PCDHA8: variants seen among roughly 807,000 people sequenced by gnomAD.
PCDHA8 encodes protocadherin alpha-8.
Under a neutral mutation model 61.8 loss-of-function variants are expected in PCDHA8, and 53 were observed. The observed-to-expected ratio is 0.86, with a 90% CI of 0.69 to 1.08. The LOEUF (loss-of-function observed/expected upper bound fraction) is 1.08, where lower values mean the gene tolerates loss of function less well. Among genes scored for constraint, PCDHA8 ranks in the 50% least tolerant of loss-of-function variants. The pLI, the probability that PCDHA8 is intolerant of heterozygous loss-of-function variation, is 0.00. For missense variants in PCDHA8, 1,293 were observed against 1,245.0 expected, an observed-to-expected ratio of 1.04 and a Z score of -0.58; for synonymous variants, 618 against 556.6, an observed-to-expected ratio of 1.11 and a Z score of -1.55.
chr5:140,875,460 C>T (rs1380748731), intron 1 of PCDHA8: 2 of 1,598,406 alleles, frequency 1.3e-6, no homozygotes, highest in Middle Eastern at 1.7e-4. Flanking sequence ...CTCAGAGGCC[C>T]TCATTTTCTG....
intron 1 of PCDHA8, among the ~76,000 whole-genome samples, chr5:140,891,372 G>A (rs1256551608): frequency 1.3e-5 from 2 of 151,962 alleles, no homozygotes; most frequent in Non-Finnish European, 2.9e-5. Flanking sequence ...AGTATACATT[G>A]CACCATATTT....
chr5:140,869,654 C>T, intron 1 of PCDHA8: 1 of 1,613,446 alleles, frequency 6.2e-7, no homozygotes, highest in Non-Finnish European at 8.5e-7. Flanking sequence ...GATTCACCAA[C>T]AAATGGTAAG....
chr5:140,843,680 G>A lies in PCDHA8; in HGVS notation c.2359G>A (p.Glu787Lys), dbSNP rs2150364967. ...TGATCTGGGATCAGTTGATGTAGGC[G>A]AAGAGCAAGATTTAAATGTTGATCA... ...PPDLGSVDVG[E>K]EQDLNVDHGL... is the part of the protein sequence containing the mutation. Residue 787 changes from glutamate to lysine, a missense_variant, in exon 1 of 4, where the codon GAA (glutamate) becomes AAA (lysine). By Grantham distance (56) the Glu-to-Lys change is moderately conservative. Transcript: ENST00000531613. 6.3e-7 allele frequency: 1 copy of A among 1,588,882 alleles called. No individual in the cohort carries two copies. The highest frequency in any genetic ancestry group is 8.6e-7 in the Non-Finnish European group (1 of 1,158,922).
At chr5:140,990,367 A>G (rs1162635749) in intron 3 of PCDHA8, among the ~76,000 whole-genome samples, 1 of 152,104 alleles carries the variant, frequency 6.6e-6, no homozygotes, top group Non-Finnish European at 1.5e-5. Context: ...AATCTAATAA[A>G]GCAAATTTGT....
At chr5:140,966,835 G>A in intron 1 of PCDHA8, 10 of 1,564,886 alleles carry the variant, frequency 6.4e-6, no homozygotes, top group Non-Finnish European at 7.8e-6. Flanking sequence ...TGCCCTGGCT[G>A]CTGCTACTGC....
rs2150320921 is a variant in PCDHA8, at chr5:140,841,687, G to A, written c.366G>A (p.Glu122=). The change falls in exon 1 of 4, where the codon GAG becomes GAA. Residue 122 remains glutamate, a synonymous_variant. Transcript: ENST00000531613. ...RPLQVFHVDV[E]VKDVNDNPPV... is the part of the protein sequence containing the mutation. ...TGCAGGTTTTCCATGTGGACGTGGAGGTGAAGGATGTTAATGACAACCCGC... is the reference window on the plus strand; with the variant it reads ...TGCAGGTTTTCCATGTGGACGTGGAAGTGAAGGATGTTAATGACAACCCGC... The A allele has an allele frequency of 6.2e-7, 1 of 1,613,966 alleles. No homozygotes were observed. Among genetic ancestry groups the A allele is most frequent in the South Asian group, 1.1e-5 (1 of 91,074 alleles).
intron 1 of PCDHA8, chr5:140,848,451 T>A (rs1450153960): frequency 1.3e-6 from 2 of 1,519,288 alleles, no homozygotes; most frequent in Non-Finnish European, 1.8e-6. Context: ...TTTCTTCTAA[T>A]TTGGAGGCAA....
chr5:140,953,607 G>A (rs1040886184), intron 1 of PCDHA8, among the ~76,000 whole-genome samples: 21 of 152,152 alleles, frequency 1.4e-4, no homozygotes, highest in African/African-American at 4.8e-4. Flanking sequence ...ATTCCCCAGA[G>A]TCCTTAGATA....
intron 1 of PCDHA8, among the ~76,000 whole-genome samples, chr5:140,972,633 T>G (rs1230723429): frequency 6.6e-6 from 1 of 151,644 alleles, no homozygotes; most frequent in Non-Finnish European, 1.5e-5. Context: ...TGGCACTCCC[T>G]TCAGAGTCTC....
At chr5:140,966,882 C>T (rs782464160) in intron 1 of PCDHA8, 1 of 1,589,690 alleles carries the variant, frequency 6.3e-7, no homozygotes, top group Admixed American at 1.7e-5. Flanking sequence ...CTACCTGGCC[C>T]TGCGGCCTCC....
chr5:140,968,574 T>A (rs2096256536), intron 1 of PCDHA8: 1 of 1,614,218 alleles, frequency 6.2e-7, no homozygotes, highest in Non-Finnish European at 8.5e-7. Flanking sequence ...GCTGGCTACC[T>A]GGTCACCAAA....
Position 140,916,718 on chromosome 5 carries a change from G to C in PCDHA8, c.2395-62231G>C, listed in dbSNP as rs115136945. Among the ~76,000 whole-genome samples, 1,217 of 152,304 alleles carry C rather than the reference G, an allele frequency of 8.0e-3. 6 individuals are homozygous for C. Among genetic ancestry groups the C allele is most frequent in the African/African-American group, 0.019 (785 of 41,570 alleles). On this transcript the variant is annotated intron_variant, in intron 1 of 3. Coordinates refer to ENST00000531613, the MANE Select transcript of PCDHA8 (RefSeq NM_018911.3). ...CTCTCCTTAAGCAGAAGGAAGGAGTGACTTTTGTTGCTGCAAGCTTCACTG... is the reference window on the plus strand; with the variant it reads ...CTCTCCTTAAGCAGAAGGAAGGAGTCACTTTTGTTGCTGCAAGCTTCACTG...
chr5:141,008,362 G>A (rs2098372939), intron 3 of PCDHA8, among the ~76,000 whole-genome samples: 1 of 152,172 alleles, frequency 6.6e-6, no homozygotes, highest in Non-Finnish European at 1.5e-5. Flanking sequence ...AACCAAAGGA[G>A]CAGTGTTAGA....
chr5:140,877,380 C>A, intron 1 of PCDHA8: 1 of 1,613,980 alleles, frequency 6.2e-7, no homozygotes, highest in Non-Finnish European at 8.5e-7. Context: ...CGACACGCAT[C>A]CTGGATGAGG....
intron 1 of PCDHA8, among the ~76,000 whole-genome samples, chr5:140,962,118 C>T (rs561645739): frequency 1.3e-5 from 2 of 152,210 alleles, no homozygotes; most frequent in East Asian, 1.9e-4. Context: ...ATCTCCTAAC[C>T]TTGGCCTCGG....
intron 1 of PCDHA8, chr5:140,928,442 A>G (rs781976941): frequency 1.2e-6 from 2 of 1,614,166 alleles, no homozygotes; most frequent in South Asian, 1.1e-5. Flanking sequence ...GACTTTGAGC[A>G]GCTCAGGGGG....
At chr5:140,982,041 A>C (rs1450726743) in intron 2 of PCDHA8, among the ~76,000 whole-genome samples, 2 of 152,268 alleles carry the variant, frequency 1.3e-5, no homozygotes, top group Non-Finnish European at 2.9e-5. Context: ...TCCAATTATC[A>C]GAAAATATTT....
At chr5:140,864,838 A>C (rs868993134) in intron 1 of PCDHA8, 5 of 152,252 alleles carry the variant, frequency 3.3e-5, no homozygotes, top group Admixed American at 1.3e-4. Flanking sequence ...AGTATAAGAG[A>C]GTCTTCCCAT....
Position 140,856,651 on chromosome 5 carries a change from T to C in PCDHA8, c.2394+12936T>C, listed in dbSNP as rs1284108605. 10 of 1,598,112 alleles carry C rather than the reference T, an allele frequency of 6.3e-6. 1 individual carries two copies. The highest frequency in any genetic ancestry group is 6.9e-6 in the Non-Finnish European group (8 of 1,167,692). ...TTGTTCTGCGGAAGCTGCTGGATCG[T>C]GAAGAAAATCCTCAGCTAAAGTTGT... is the stretch of plus-strand genomic sequence containing the variant. On this transcript the variant is annotated intron_variant, in intron 1 of 3. Coordinates refer to ENST00000531613, the MANE Select transcript of PCDHA8 (RefSeq NM_018911.3).
Sources: gnomAD v4.1 joint callset for allele counts (sites outside exome capture counted in the v4.1 genomes callset) on GRCh38, gnomAD v4.1.1 for gene constraint, MANE v1.5 for transcripts, NCBI Gene and HGNC (gene_info 2026-07-23, HGNC 2026-07-21) for gene names.